MYBBP1A: variants seen among roughly 807,000 people sequenced by gnomAD.
The protein encoded by MYBBP1A is myb-binding protein 1A.
A neutral mutation model predicts 136.3 loss-of-function variants in MYBBP1A; 147 were observed. The observed-to-expected ratio is 1.08, with a 90% CI of 0.94 to 1.24. The LOEUF (loss-of-function observed/expected upper bound fraction) is 1.24, where lower values mean the gene tolerates loss of function less well. Ranked by LOEUF, MYBBP1A falls within the 50% of genes most tolerant of loss-of-function variation. MYBBP1A has a pLI of 0.00. For missense variants in MYBBP1A, 2,060 were observed against 1,727.4 expected, an observed-to-expected ratio of 1.19 and a Z score of -3.41; for synonymous variants, 947 against 735.8, an observed-to-expected ratio of 1.29 and a Z score of -4.65.
chr17:4,554,122 A>T (rs1567615146), intron 3 of MYBBP1A, 29 bp from the exon 4 acceptor site: 14 of 1,613,696 alleles, frequency 8.7e-6, no homozygotes, highest in Middle Eastern at 1.6e-4. Flanking sequence ...CACAGGCATG[A>T]GGGGCCCTGG....
At position 4,551,862 on chromosome 17, in the gene MYBBP1A, T is replaced by C; in HGVS notation, c.1023+18A>G. The C allele has an allele frequency of 1.9e-6, 3 of 1,605,460 alleles. No homozygotes were observed. The highest frequency in any genetic ancestry group is 2.6e-6 in the Non-Finnish European group (3 of 1,173,450). ...TCTAGCCTTTCTGGCAGTGTCGAGC[T>C]GCACGGGCATTACCCACCTTAGCAG... On this transcript the variant is annotated intron_variant, in intron 8 of 25. Transcript: ENST00000254718.
At position 4,539,360 on chromosome 17, in the gene MYBBP1A, AAAT is replaced by A; in HGVS notation, c.*52_*54del. The A allele has an allele frequency of 6.6e-7, 1 of 1,507,104 alleles. No homozygotes were observed. Among genetic ancestry groups the A allele is most frequent in the East Asian group, 2.3e-5 (1 of 43,438 alleles). The allele number at this position is 1,507,104 out of a possible 1,614,324, so 93.4% of individuals were successfully genotyped here. ...ATCATGGTTTAAAAAAAAAAAAAAA[AAAT>A]AGGCGTCTCAGGCAGATGGAGGCAG... is the stretch of plus-strand genomic sequence containing the variant. On this transcript the variant is annotated 3_prime_UTR_variant, in exon 26 of 26. Coordinates refer to ENST00000254718, the MANE Select transcript of MYBBP1A (RefSeq NM_014520.4).
At position 4,552,454 on chromosome 17, in the gene MYBBP1A, G is replaced by A. The variant is rs1275960123; in HGVS notation, c.734C>T (p.Pro245Leu). ...SVNLFSDENV[P>L]RLVNVLKMAA... Reference sequence around the variant, plus strand: ...AATCCGCCCACCTCCATCACACCTGGGGACATTCTCATCTGAGAATAGGTT... The same window carrying A: ...AATCCGCCCACCTCCATCACACCTGAGGACATTCTCATCTGAGAATAGGTT... The change falls in exon 6 of 26, where the codon CCC becomes CTC. Residue 245 changes from proline to leucine, a missense_variant. By Grantham distance (98) the Pro-to-Leu change is moderately conservative. Transcript: ENST00000254718. This position sits in a 1 kb window ranked among gnomAD's most constrained non-coding sequence, Gnocchi z 4.7. 4 of 1,612,764 alleles carry A rather than the reference G, an allele frequency of 2.5e-6. No homozygotes were observed. The highest frequency in any genetic ancestry group is 3.4e-6 in the Non-Finnish European group (4 of 1,179,990).
At chr17:4,541,938 G>T in intron 22 of MYBBP1A, 47 bp from the exon 23 acceptor site, 1 of 1,509,110 alleles carries the variant, frequency 6.6e-7, no homozygotes, top group Non-Finnish European at 9.1e-7. Flanking sequence ...CACGTTGGGT[G>T]CTCACGGCTC....
chr17:4,539,888 T>G lies in MYBBP1A; in HGVS notation c.3514A>C (p.Lys1172Gln). Reference protein sequence around the residue: ...QSPISKKRKKKGFLPETKKRK... With the variant: ...QSPISKKRKKQGFLPETKKRK... ...TTCTTCGTCTCTGGCAAGAATCCCT[T>G]TTTCTTCCGCTTCTTACTGATGGGG... Residue 1172 changes from lysine to glutamine, a missense_variant, in exon 26 of 26, where the codon AAG becomes CAG. Transcript: ENST00000254718. 6.2e-7 allele frequency: 1 copy of G among 1,602,468 alleles called. No homozygotes were observed. The highest frequency in any genetic ancestry group is 1.1e-5 in the South Asian group (1 of 91,068).
At chr17:4,553,291 C>T (rs1002388060) in intron 5 of MYBBP1A, among the ~76,000 whole-genome samples, 17 of 152,238 alleles carry the variant, frequency 1.1e-4, no homozygotes, top group African/African-American at 4.1e-4. Flanking sequence ...CTGCCTTTCT[C>T]TTCGGTGACA....
Position 4,545,110 on chromosome 17 carries a change from C to A in MYBBP1A, c.2226G>T (p.Glu742Asp). 2 of 1,606,970 alleles carry A rather than the reference C, an allele frequency of 1.2e-6. No individual in the cohort carries two copies. Among genetic ancestry groups the A allele is most frequent in the Non-Finnish European group, 1.7e-6 (2 of 1,176,566 alleles). ...CCCCGTCGCGCTCCTCCTCCTCGCT[C>A]TCCTCCCCCTCGCTCTCCTCTTCAC... The part of the protein sequence containing the change: ...SESEEESEGE[E>D]SEEEERDGDV... The change falls in exon 17 of 26, where the codon GAG (glutamate) becomes GAT (aspartate). Residue 742 changes from glutamate (E) to aspartate (D), a missense_variant. Transcript: ENST00000254718.
chr17:4,555,100 C>T (rs1490275473), intron 1 of MYBBP1A, 27 bp downstream of exon 1: 1 of 1,565,720 alleles, frequency 6.4e-7, no homozygotes, highest in Non-Finnish European at 8.7e-7. Flanking sequence ...ATATGCGCAG[C>T]CTCTGCCCCA....
chr17:4,551,417 G>A (rs1304107695), intron 8 of MYBBP1A, among the ~76,000 whole-genome samples: 4 of 152,234 alleles, frequency 2.6e-5, no homozygotes, highest in Non-Finnish European at 5.9e-5. Context: ...TATCAAAACT[G>A]TCAGAGGGAA....
intron 24 of MYBBP1A, among the ~76,000 whole-genome samples, 169 bp from the exon 25 acceptor site, chr17:4,540,653 G>A (rs999850630): frequency 2.6e-5 from 4 of 151,144 alleles, no homozygotes; most frequent in African/African-American, 9.7e-5. Flanking sequence ...CTTACCGAGG[G>A]AGGAAACACG....
Position 4,548,859 on chromosome 17 carries a change from C to G in MYBBP1A, c.1431-210G>C, listed in dbSNP as rs1907246699. ...AGGGGCCGTTTCTCTGCTCTGGATCCCCAGCTGAACGCGGGTTAACCCGAG... is the reference window on the plus strand; with the variant it reads ...AGGGGCCGTTTCTCTGCTCTGGATCGCCAGCTGAACGCGGGTTAACCCGAG... On this transcript the variant is annotated intron_variant, in intron 10 of 25. Coordinates refer to ENST00000254718, the MANE Select transcript of MYBBP1A (RefSeq NM_014520.4). The surrounding 1 kb of genome is among the most constrained non-coding windows in gnomAD (Gnocchi z 4.2). Among the ~76,000 whole-genome samples the G allele has an allele frequency of 6.6e-6, 1 of 152,222 alleles. No individual in the cohort carries two copies. Among genetic ancestry groups the G allele is most frequent in the Non-Finnish European group, 1.5e-5 (1 of 68,032 alleles).
In MYBBP1A at chr17:4,539,383, AGGCAGGGGCTGAGGGG is replaced by A; in HGVS notation, c.*16_*31del. On this transcript the variant is annotated 3_prime_UTR_variant, in exon 26 of 26. Transcript: ENST00000254718. ...AAAAATAGGCGTCTCAGGCAGATGG[AGGCAGGGGCTGAGGGG>A]GGCCCGTACCTGTGCTCAGGGCTTC... The A allele has an allele frequency of 6.5e-7, 1 of 1,537,090 alleles. No homozygotes were observed. The highest frequency in any genetic ancestry group is 8.7e-7 in the Non-Finnish European group (1 of 1,146,456).
chr17:4,549,271 A>T, intron 10 of MYBBP1A, 61 bp downstream of exon 10: 1 of 1,456,202 alleles, frequency 6.9e-7, no homozygotes, highest in Non-Finnish European at 9.4e-7. Flanking sequence ...AGGACGAGTT[A>T]AGGGGCCCCA....
chr17:4,540,346 A>G lies in MYBBP1A; in HGVS notation c.3434+2T>C, dbSNP rs1398088491. On this transcript the variant is annotated splice_donor_variant, in intron 25 of 25. Coordinates refer to ENST00000254718, the MANE Select transcript of MYBBP1A (RefSeq NM_014520.4). LOFTEE classifies it high-confidence loss of function. ...GGTGTGTGTCCCCCTCCCAGAACCT[A>G]CTGGACTCCCAGGGTTTTCATGGCC... 2 of 1,604,210 alleles carry G rather than the reference A, an allele frequency of 1.2e-6. No individual in the cohort carries two copies. Among genetic ancestry groups the G allele is most frequent in the Admixed American group, 3.3e-5 (2 of 59,724 alleles).
At position 4,550,398 on chromosome 17, in the gene MYBBP1A, C is replaced by G. The variant is rs758638691; in HGVS notation, c.1024-45G>C. ...CGCTGAGCCCACCAGCCCAGGGGGG[C>G]AGGCGGTTAACAACCCAACAGCCAA... On this transcript the variant is annotated intron_variant, in intron 8 of 25. Transcript: ENST00000254718. The G allele has an allele frequency of 1.9e-6, 3 of 1,564,352 alleles. No individual in the cohort carries two copies. In the Admixed American group the frequency reaches 5.4e-5, roughly 28 times the overall value.
chr17:4,550,412 C>T, intron 8 of MYBBP1A, 59 bp from the exon 9 acceptor site: 1 of 1,547,334 alleles, frequency 6.5e-7, no homozygotes. Context: ...CGGTTAACAA[C>T]CCAACAGCCA....
chr17:4,555,227 C>A lies in MYBBP1A; in HGVS notation c.98G>T (p.Arg33Leu). ...GTCCCAGAAGAAGTCCAAGAACTCG[C>A]GACTGTGCTTCAATAGGCCATAGCG... ...ADRYGLLKHS[R>L]EFLDFFWDIA... The change falls in exon 1 of 26, where the codon CGC becomes CTC. Residue 33 changes from arginine to leucine, a missense_variant. Physicochemically the swap from Arg to Leu is moderately radical, Grantham distance 102 (BLOSUM62 -2). Coordinates refer to ENST00000254718, the MANE Select transcript of MYBBP1A (RefSeq NM_014520.4). The A allele has an allele frequency of 6.2e-7, 1 of 1,612,216 alleles. No individual in the cohort carries two copies. Among genetic ancestry groups the A allele is most frequent in the Non-Finnish European group, 8.5e-7 (1 of 1,179,606 alleles).
Position 4,552,663 on chromosome 17 carries a change from G to A in MYBBP1A, c.562-37C>T. 6.3e-7 allele frequency: 1 copy of A among 1,593,480 alleles called. No individual in the cohort carries two copies. The highest frequency in any genetic ancestry group is 8.6e-7 in the Non-Finnish European group (1 of 1,166,998). On this transcript the variant is annotated intron_variant, in intron 5 of 25. Transcript: ENST00000254718. This position sits in a 1 kb window ranked among gnomAD's most constrained non-coding sequence, Gnocchi z 4.7. ...GGGAGAAGAAATCGTGACTTCCTCTGCGGGGTGAGCCTGGTGGATCCTGTT... is the reference window on the plus strand; with the variant it reads ...GGGAGAAGAAATCGTGACTTCCTCTACGGGGTGAGCCTGGTGGATCCTGTT...
chr17:4,544,310 A>G (rs1219231509), intron 19 of MYBBP1A, among the ~76,000 whole-genome samples, 179 bp downstream of exon 19: 2 of 151,888 alleles, frequency 1.3e-5, no homozygotes, highest in Non-Finnish European at 2.9e-5. Flanking sequence ...TGAAGCAAGG[A>G]CTGTGGGAAT....
Sources: allele counts gnomAD v4.1 joint callset (sites outside exome capture counted in the v4.1 genomes callset), GRCh38; gene constraint gnomAD v4.1.1; non-coding constraint Gnocchi (gnomAD v3.1); transcripts MANE v1.5; gene names NCBI Gene and HGNC (gene_info 2026-07-23, HGNC 2026-07-21).